PRKG1: variants seen among roughly 807,000 people sequenced by gnomAD.
PRKG1 encodes protein kinase cGMP-dependent 1, also known as cGMP-dependent protein kinase 1.
PRKG1 carries 35 observed loss-of-function variants against 88.1 expected under a neutral mutation model. The observed-to-expected ratio is 0.40, with a 90% confidence interval of 0.30 to 0.53. The LOEUF (loss-of-function observed/expected upper bound fraction) is 0.53, where lower values mean the gene tolerates loss of function less well. Among genes scored for constraint, PRKG1 ranks in the 20% least tolerant of loss-of-function variants. PRKG1 has a pLI of 0.59. For missense variants in PRKG1, 540 were observed against 839.8 expected, an observed-to-expected ratio of 0.64 and a Z score of 4.41; for synonymous variants, 303 against 292.5, an observed-to-expected ratio of 1.04 and a Z score of -0.37.
intron 9 of PRKG1, among the ~76,000 whole-genome samples, chr10:52,164,955 T>C (rs533697473): frequency 6.6e-6 from 1 of 152,184 alleles, no homozygotes; most frequent in Non-Finnish European, 1.5e-5. Flanking sequence ...TGTACAGTTT[T>C]GTTTGAATTT....
chr10:51,175,706 G>T (rs1350905036), intron 2 of PRKG1, among the ~76,000 whole-genome samples: 1 of 151,884 alleles, frequency 6.6e-6, no homozygotes, highest in Non-Finnish European at 1.5e-5. Flanking sequence ...TAGTTGACTG[G>T]TTCTCAAAAT....
At chr10:51,125,879 CTT>C (rs970171600) in intron 1 of PRKG1, among the ~76,000 whole-genome samples, 156 of 132,664 alleles carry the variant, frequency 1.2e-3, no homozygotes, top group African/African-American at 4.1e-3. Flanking sequence ...TTTTAATAAA[CTT>C]ATATGATTTA....
chr10:51,210,992 C>G (rs1482022538), intron 2 of PRKG1, among the ~76,000 whole-genome samples: 1 of 152,106 alleles, frequency 6.6e-6, no homozygotes, highest in Non-Finnish European at 1.5e-5. Context: ...GATACCAAAG[C>G]CTGGCAGAGA....
chr10:51,789,292 T>C (rs915437318), intron 3 of PRKG1, among the ~76,000 whole-genome samples: 5 of 152,182 alleles, frequency 3.3e-5, no homozygotes, highest in Non-Finnish European at 5.9e-5. Context: ...CTGTTAAAAA[T>C]GGCCCACCTG....
chr10:51,781,127 A>C (rs759241450), intron 3 of PRKG1, among the ~76,000 whole-genome samples: 1 of 152,128 alleles, frequency 6.6e-6, no homozygotes, highest in Non-Finnish European at 1.5e-5. Context: ...TGCTAAAACA[A>C]ATTTTAAAAT....
intron 4 of PRKG1, among the ~76,000 whole-genome samples, chr10:51,860,500 C>G (rs1456496744): frequency 1.3e-5 from 2 of 152,256 alleles, no homozygotes; most frequent in Admixed American, 1.3e-4. Flanking sequence ...CATGGCCATA[C>G]CCAGTTTCCA....
rs539780845 is a variant in PRKG1, at chr10:51,047,524, G to T, written c.266+55880G>T. 7.8e-4 allele frequency among the ~76,000 whole-genome samples: 117 copies of T among 150,422 alleles called. 1 individual carries two copies. The South Asian group carries it at 0.011, about 14-fold the overall frequency. On this transcript the variant is annotated intron_variant, in intron 1 of 17. Transcript: ENST00000401604. Reference sequence around the variant, plus strand: ...ATCCATGAGATAAATTGAGCTTACAGATTTATTGTGTATGTTTTTGACATT... The same window carrying T: ...ATCCATGAGATAAATTGAGCTTACATATTTATTGTGTATGTTTTTGACATT...
At chr10:51,209,149 T>C (rs997034155) in intron 2 of PRKG1, among the ~76,000 whole-genome samples, 1 of 152,164 alleles carries the variant, frequency 6.6e-6, no homozygotes, top group African/African-American at 2.4e-5. Flanking sequence ...CAGAAAGATA[T>C]TGTTTTGACT....
At chr10:52,186,423 T>A (rs1420017521) in intron 9 of PRKG1, among the ~76,000 whole-genome samples, 1 of 151,916 alleles carries the variant, frequency 6.6e-6, no homozygotes, top group East Asian at 1.9e-4. Context: ...TCCTGAAGGA[T>A]TTTCCCCCAG....
chr10:51,065,847 A>C (rs1284672570), intron 1 of PRKG1, among the ~76,000 whole-genome samples: 3 of 152,086 alleles, frequency 2.0e-5, no homozygotes, highest in African/African-American at 7.2e-5. Context: ...TATTTATGCA[A>C]ATATTAGGGT....
intron 9 of PRKG1, among the ~76,000 whole-genome samples, chr10:52,226,535 T>C (rs1564523111): frequency 8.6e-6 from 1 of 116,564 alleles, no homozygotes; most frequent in African/African-American, 5.3e-5. Flanking sequence ...GTTGTTTTAG[T>C]CAATTAAAAT....
intron 3 of PRKG1, among the ~76,000 whole-genome samples, chr10:51,772,868 T>C (rs909915503): frequency 6.6e-6 from 1 of 152,054 alleles, no homozygotes; most frequent in African/African-American, 2.4e-5. Context: ...CTCAGTAATG[T>C]AAAGTGATTG....
chr10:52,020,312 T>A (rs1428387118), intron 5 of PRKG1, among the ~76,000 whole-genome samples: 3 of 152,198 alleles, frequency 2.0e-5, no homozygotes, highest in Admixed American at 6.5e-5. Context: ...TGTGGATCTC[T>A]AGCCCTCCAC....
chr10:51,749,088 GA>G (rs1423520304), intron 3 of PRKG1, among the ~76,000 whole-genome samples: 2 of 152,208 alleles, frequency 1.3e-5, no homozygotes, highest in Admixed American at 1.3e-4. Context: ...GTTGGGAAAT[GA>G]GACAATCTTT....
At chr10:51,920,667 C>T (rs533473960) in intron 5 of PRKG1, among the ~76,000 whole-genome samples, 1 of 152,156 alleles carries the variant, frequency 6.6e-6, no homozygotes, top group African/African-American at 2.4e-5. Context: ...TCAATCATTC[C>T]TTAGCTATGT....
intron 2 of PRKG1, among the ~76,000 whole-genome samples, chr10:51,384,905 T>C (rs1837212010): frequency 6.6e-6 from 1 of 152,236 alleles, no homozygotes; most frequent in Non-Finnish European, 1.5e-5. Context: ...AACTCTGTTT[T>C]CATGAGTTCT....
At chr10:51,289,676 G>A (rs1840532383) in intron 2 of PRKG1, among the ~76,000 whole-genome samples, 1 of 151,984 alleles carries the variant, frequency 6.6e-6, no homozygotes, top group Non-Finnish European at 1.5e-5. Flanking sequence ...CCATGAGAGA[G>A]AGAGAGAGAG....
chr10:52,132,447 T>G (rs1837290498), intron 7 of PRKG1, among the ~76,000 whole-genome samples: 1 of 152,082 alleles, frequency 6.6e-6, no homozygotes, highest in Non-Finnish European at 1.5e-5. Flanking sequence ...AATAGTTAAT[T>G]TAAAGCGATT....
chr10:51,565,853 C>T (rs1034690550), intron 3 of PRKG1, among the ~76,000 whole-genome samples: 9 of 152,038 alleles, frequency 5.9e-5, no homozygotes, highest in Admixed American at 5.9e-4. Flanking sequence ...GGAATACTGA[C>T]TCTAACTCTT....
Sources: gnomAD v4.1 joint callset for allele counts (sites outside exome capture counted in the v4.1 genomes callset) on GRCh38, gnomAD v4.1.1 for gene constraint, MANE v1.5 for transcripts, NCBI Gene and HGNC (gene_info 2026-07-23, HGNC 2026-07-21) for gene names.